The following PPARGC1A variants were observed in gnomAD, a reference collection of about 807,000 sequenced individuals.
The protein encoded by PPARGC1A is PPARG coactivator 1 alpha.
PPARGC1A carries 25 observed loss-of-function variants against 88.7 expected under a neutral mutation model. The observed-to-expected ratio is 0.28, with a 90% CI of 0.21 to 0.39. The LOEUF (loss-of-function observed/expected upper bound fraction) is 0.39, where lower values mean the gene tolerates loss of function less well. PPARGC1A is among the 10% of genes least tolerant of loss of function. The pLI is 1.00. For synonymous variants in PPARGC1A, 363 were observed against 355.6 expected (o/e 1.02, Z -0.24); for missense variants, 880 against 968.7 (o/e 0.91, Z 1.22).
At chr4:24,402,996 G>T in the PPARGC1A span, among the ~76,000 whole-genome samples, 1 of 152,120 alleles carries the variant, frequency 6.6e-6, no homozygotes, top group African/African-American at 2.4e-5. Context: ...GAAAATATTC[G>T]CTCTGATCCT....
the PPARGC1A span, among the ~76,000 whole-genome samples, chr4:24,099,782 T>A: frequency 6.6e-6 from 1 of 151,896 alleles, no homozygotes; most frequent in South Asian, 2.1e-4. Context: ...AACATCCTAA[T>A]GTAAGGGGAA....
chr4:23,939,079 C>T, the PPARGC1A span, among the ~76,000 whole-genome samples: 1 of 152,260 alleles, frequency 6.6e-6, no homozygotes, highest in South Asian at 2.1e-4. Context: ...TTCTGTTTTT[C>T]TTGTCACTTA....
the PPARGC1A span, among the ~76,000 whole-genome samples, chr4:24,414,719 A>T: frequency 6.6e-6 from 1 of 152,212 alleles, no homozygotes; most frequent in Non-Finnish European, 1.5e-5. Flanking sequence ...AGCACTGTGC[A>T]CCAGCTCTAA....
the PPARGC1A span, among the ~76,000 whole-genome samples, chr4:24,340,562 A>G: frequency 6.6e-6 from 1 of 152,204 alleles, no homozygotes; most frequent in African/African-American, 2.4e-5. Context: ...TATGGCTACA[A>G]AACTTTTTTT....
At chr4:24,322,766 A>T in the PPARGC1A span, among the ~76,000 whole-genome samples, 2 of 152,136 alleles carry the variant, frequency 1.3e-5, no homozygotes, top group African/African-American at 4.8e-5. Context: ...GATTTTTGGG[A>T]GAGTCAGGTT....
At chr4:23,820,523 G>A (rs1722828626) in intron 7 of PPARGC1A, 1 of 319,926 alleles carries the variant, frequency 3.1e-6, no homozygotes, top group South Asian at 2.5e-5. Flanking sequence ...AAAAAGTGTA[G>A]CACTCTGAAA....
At chr4:24,317,504 C>CA in the PPARGC1A span, among the ~76,000 whole-genome samples, 2 of 127,680 alleles carry the variant, frequency 1.6e-5, no homozygotes, top group African/African-American at 5.9e-5. Flanking sequence ...AATGGAAGTC[C>CA]AAAAGCCCTC....
chr4:23,932,057 A>G, the PPARGC1A span, among the ~76,000 whole-genome samples: 1 of 152,232 alleles, frequency 6.6e-6, no homozygotes, highest in Non-Finnish European at 1.5e-5. Flanking sequence ...AGGAGTTGCC[A>G]TAGTGGTGGT....
chr4:24,068,906 G>T, the PPARGC1A span, among the ~76,000 whole-genome samples: 2 of 152,266 alleles, frequency 1.3e-5, no homozygotes, highest in South Asian at 2.1e-4. Context: ...TGCTGGTGAT[G>T]GATCCACTAA....
the PPARGC1A span, among the ~76,000 whole-genome samples, chr4:24,113,291 T>A: frequency 1.3e-5 from 2 of 152,070 alleles, no homozygotes; most frequent in South Asian, 4.1e-4. Context: ...GATGGATGGA[T>A]GGATGCATGG....
chr4:23,813,996 T>C lies in PPARGC1A; in HGVS notation c.1487A>G (p.Lys496Arg). The C allele has an allele frequency of 6.2e-7, 1 of 1,614,110 alleles. No homozygotes were observed. Among genetic ancestry groups the C allele is most frequent in the Non-Finnish European group, 8.5e-7 (1 of 1,179,978 alleles). Residue 496 changes from lysine to arginine, a missense_variant, in exon 8 of 13, where the codon AAA (lysine) becomes AGA (arginine). Physicochemically the swap from Lys to Arg is conservative, Grantham distance 26 (BLOSUM62 2). Coordinates refer to ENST00000264867, the MANE Select transcript of PPARGC1A (RefSeq NM_013261.5). The part of the protein sequence containing the change: ...DSDFSNEQFS[K>R]LPMFINSGLA... ...TCCTGAATTTATAAACATAGGTAGT[T>C]TGGAGAATTGTTCATTACTGAAATC... is the stretch of plus-strand genomic sequence containing the variant.
chr4:24,305,479 G>C, the PPARGC1A span, among the ~76,000 whole-genome samples: 1 of 152,068 alleles, frequency 6.6e-6, no homozygotes, highest in Non-Finnish European at 1.5e-5. Context: ...TGTAATAATG[G>C]AAATTACATG....
chr4:24,392,249 T>TA, the PPARGC1A span, among the ~76,000 whole-genome samples: 13 of 151,996 alleles, frequency 8.6e-5, no homozygotes, highest in East Asian at 1.9e-4. Flanking sequence ...GAGGCTTTTT[T>TA]TAAAAAAAAT....
At chr4:24,362,553 G>A in the PPARGC1A span, among the ~76,000 whole-genome samples, 1 of 152,258 alleles carries the variant, frequency 6.6e-6, no homozygotes, top group Admixed American at 6.5e-5. Flanking sequence ...AAGTTCCACA[G>A]CCAAGAAGGA....
At chr4:23,829,790 A>G in intron 3 of PPARGC1A, 1 of 321,226 alleles carries the variant, frequency 3.1e-6, no homozygotes, top group Non-Finnish European at 5.4e-6. Context: ...TACACTACCA[A>G]CTATGAAAAT....
chr4:24,394,961 C>A, the PPARGC1A span, among the ~76,000 whole-genome samples: 10 of 152,194 alleles, frequency 6.6e-5, no homozygotes, highest in Non-Finnish European at 1.3e-4. Context: ...AAAAGCATAT[C>A]TTGTACAATG....
the PPARGC1A span, among the ~76,000 whole-genome samples, chr4:24,451,242 A>T: frequency 6.6e-6 from 1 of 152,238 alleles, no homozygotes; most frequent in Non-Finnish European, 1.5e-5. Context: ...ACTGGAATTA[A>T]GTTCACCATC....
the PPARGC1A span, among the ~76,000 whole-genome samples, chr4:24,241,537 A>G: frequency 2.6e-5 from 4 of 152,190 alleles, no homozygotes; most frequent in East Asian, 1.9e-4. Context: ...TGGACTCACA[A>G]TGTGTTTTAT....
the PPARGC1A span, among the ~76,000 whole-genome samples, chr4:24,187,783 T>C: frequency 6.6e-6 from 1 of 152,194 alleles, no homozygotes; most frequent in Non-Finnish European, 1.5e-5. Context: ...GTTCTCATAG[T>C]CTAGCAGAGG....
Sources: gnomAD v4.1 joint callset for allele counts (sites outside exome capture counted in the v4.1 genomes callset) on GRCh38, gnomAD v4.1.1 for gene constraint, MANE v1.5 for transcripts, NCBI Gene and HGNC (gene_info 2026-07-23, HGNC 2026-07-21) for gene names.